CFAP54: variants seen among roughly 807,000 people sequenced by gnomAD.
The protein encoded by CFAP54 is cilia and flagella associated protein 54, also known as cilia- and flagella-associated protein 54.
A neutral mutation model predicts 370.4 loss-of-function variants in CFAP54; 290 were observed. The ratio of observed to expected loss-of-function variants is 0.78; its 90% confidence interval spans 0.71 to 0.86. The LOEUF (loss-of-function observed/expected upper bound fraction) is 0.86, where lower values mean the gene tolerates loss of function less well. Ranked by LOEUF, CFAP54 falls within the 40% of genes least tolerant of loss-of-function variation. The pLI, the probability that CFAP54 is intolerant of heterozygous loss-of-function variation, is 0.00. For synonymous variants in CFAP54, 1,206 were observed against 1,236.5 expected (o/e 0.98, Z 0.52); for missense variants, 3,399 against 3,528.7 (o/e 0.96, Z 0.93).
chr12:96,864,740 G>A (rs1327171237), intron 67 of CFAP54, among the ~76,000 whole-genome samples: 2 of 152,054 alleles, frequency 1.3e-5, no homozygotes, highest in East Asian at 3.9e-4. Context: ...GTTTTGTATT[G>A]TATTTTCATA....
At chr12:96,835,700 C>A (rs547354708) in intron 66 of CFAP54, among the ~76,000 whole-genome samples, 2 of 152,270 alleles carry the variant, frequency 1.3e-5, no homozygotes, top group African/African-American at 4.8e-5. Flanking sequence ...TGGGCAGCTG[C>A]AGGTGTGCTA....
chr12:96,495,274 TTCCTTC>T (rs1954938158), intron 1 of CFAP54, among the ~76,000 whole-genome samples: 1 of 148,088 alleles, frequency 6.8e-6, no homozygotes, highest in Non-Finnish European at 1.5e-5. Context: ...CCTTCCTTCC[TTCCTTC>T]CTTCCTTCCT....
intron 32 of CFAP54, among the ~76,000 whole-genome samples, chr12:96,638,965 G>A (rs963341760): frequency 5.9e-5 from 9 of 152,112 alleles, no homozygotes; most frequent in East Asian, 3.9e-4. Context: ...ATTTCTTGCC[G>A]TCTGCTAGCT....
intron 35 of CFAP54, 52 bp downstream of exon 35, chr12:96,650,124 C>A: frequency 6.9e-7 from 1 of 1,441,638 alleles, no homozygotes; most frequent in Non-Finnish European, 9.4e-7. Flanking sequence ...TTCAGCCCAC[C>A]AACTTGGGCG....
chr12:96,600,230 T>A (rs913716084), intron 26 of CFAP54, among the ~76,000 whole-genome samples: 19 of 152,240 alleles, frequency 1.2e-4, no homozygotes, highest in Non-Finnish European at 2.5e-4. Flanking sequence ...TAGCCAGTTT[T>A]CCCAGCACCA....
chr12:96,740,797 T>C (rs1958041754), intron 51 of CFAP54, among the ~76,000 whole-genome samples: 1 of 152,158 alleles, frequency 6.6e-6, no homozygotes, highest in Admixed American at 6.5e-5. Flanking sequence ...TGATTTTGCC[T>C]CCCGGGGGAA....
At chr12:96,625,643 A>G in intron 28 of CFAP54, 75 bp from the exon 29 acceptor site, 1 of 819,034 alleles carries the variant, frequency 1.2e-6, no homozygotes, top group Non-Finnish European at 1.9e-6. Flanking sequence ...AAGAATTGTT[A>G]TTGTGAATTA....
chr12:96,768,525 C>T (rs543389759), intron 60 of CFAP54, among the ~76,000 whole-genome samples: 10 of 151,368 alleles, frequency 6.6e-5, no homozygotes, highest in East Asian at 2.0e-4. Context: ...TGGTGGTGGG[C>T]GCCTATAATC....
chr12:96,777,099 A>G (rs73383019), intron 60 of CFAP54, among the ~76,000 whole-genome samples: 197 of 152,196 alleles, frequency 1.3e-3, no homozygotes, highest in African/African-American at 4.6e-3. Context: ...GTCTGAAAAC[A>G]TTTTGTCTTG....
intron 62 of CFAP54, among the ~76,000 whole-genome samples, chr12:96,790,001 C>T (rs1368545640): frequency 7.3e-6 from 1 of 136,902 alleles, no homozygotes; most frequent in Non-Finnish European, 1.7e-5. Flanking sequence ...TAATTTGATA[C>T]TTAAACCTAC....
chr12:96,744,697 T>A (rs1031122430), intron 55 of CFAP54, among the ~76,000 whole-genome samples: 9 of 152,218 alleles, frequency 5.9e-5, no homozygotes, highest in African/African-American at 2.2e-4. Flanking sequence ...TTATTATTTA[T>A]TTTCTTTCTT....
At chr12:96,817,430 C>CTTTT (rs34215059) in intron 64 of CFAP54, among the ~76,000 whole-genome samples, 1 of 144,668 alleles carries the variant, frequency 6.9e-6, no homozygotes. Flanking sequence ...ACCTTTCTTT[C>CTTTT]TTTTTTTTTT....
At chr12:96,851,017 T>G (rs1043944861) in intron 66 of CFAP54, among the ~76,000 whole-genome samples, 2 of 152,222 alleles carry the variant, frequency 1.3e-5, no homozygotes, top group African/African-American at 4.8e-5. Context: ...TATCACTTTG[T>G]AAAAAGTTAT....
intron 46 of CFAP54, among the ~76,000 whole-genome samples, chr12:96,701,662 C>T (rs1007179894): frequency 6.6e-6 from 1 of 152,022 alleles, no homozygotes; most frequent in Non-Finnish European, 1.5e-5. Context: ...ATGGAAAGAT[C>T]TGAGGGACCA....
intron 23 of CFAP54, 144 bp from the exon 24 acceptor site, chr12:96,592,346 G>C (rs1254062417): frequency 6.1e-6 from 2 of 328,754 alleles, no homozygotes. Flanking sequence ...TTGTGAGCTT[G>C]TCTGTGCAAG....
chr12:96,554,134 G>T (rs1219464016), intron 15 of CFAP54, 48 bp from the exon 16 acceptor site: 3 of 1,296,586 alleles, frequency 2.3e-6, no homozygotes, highest in South Asian at 3.0e-5. Flanking sequence ...TGTTGCATTT[G>T]ATTTTCCCTT....
At chr12:96,688,335 A>G (rs968741264) in intron 42 of CFAP54, among the ~76,000 whole-genome samples, 3 of 152,200 alleles carry the variant, frequency 2.0e-5, no homozygotes, top group African/African-American at 4.8e-5. Context: ...ACAATGCTTC[A>G]GTCTTTAGGG....
chr12:96,682,327 C>G, intron 40 of CFAP54: 1 of 984,952 alleles, frequency 1.0e-6, no homozygotes, highest in Non-Finnish European at 1.2e-6. Context: ...TTCTTATCAC[C>G]AAACTATTGG....
chr12:96,582,450 A>C (rs1292422256), intron 22 of CFAP54, among the ~76,000 whole-genome samples: 1 of 152,120 alleles, frequency 6.6e-6, no homozygotes, highest in East Asian at 1.9e-4. Context: ...ATAAGATAAG[A>C]TCTTAGTGGC....
Sources: allele counts gnomAD v4.1 joint callset (sites outside exome capture counted in the v4.1 genomes callset), GRCh38; gene constraint gnomAD v4.1.1; transcripts MANE v1.5; gene names NCBI Gene and HGNC (gene_info 2026-07-23, HGNC 2026-07-21).